Variants in SNX24 observed in about 807,000 individuals in gnomAD.
SNX24 encodes the protein sorting nexin-24.
In SNX24, 22 loss-of-function variants were observed where a neutral mutation model predicts 28.7. The observed-to-expected ratio is 0.77, with a 90% CI of 0.55 to 1.10. The LOEUF is 1.10. Ranked by LOEUF, SNX24 falls within the 50% of genes least tolerant of loss-of-function variation. The pLI is 0.00. For synonymous variants in SNX24, 69 were observed against 71.5 expected (o/e 0.96, Z 0.18); for missense variants, 221 against 201.1 (o/e 1.10, Z -0.60).
chr5:122,983,217 A>AC (rs1561693632), intron 3 of SNX24: 1 of 151,902 alleles, frequency 6.6e-6, no homozygotes, highest in Non-Finnish European at 1.5e-5. Flanking sequence ...TGCAAGTGCA[A>AC]CAATTTAGAT....
chr5:122,955,111 A>G (rs1018108546), intron 3 of SNX24, among the ~76,000 whole-genome samples: 3 of 150,354 alleles, frequency 2.0e-5, no homozygotes, highest in African/African-American at 4.9e-5. Context: ...CTATTGTTCT[A>G]TCTCCCAGTT....
chr5:122,861,515 C>T (rs997849374), intron 1 of SNX24, among the ~76,000 whole-genome samples: 1 of 152,074 alleles, frequency 6.6e-6, no homozygotes, highest in African/African-American at 2.4e-5. Context: ...TGCCTCACTT[C>T]ATTTGCTATT....
At chr5:122,936,900 G>C (rs1336420875) in intron 2 of SNX24, 83 bp downstream of exon 2, 1 of 724,928 alleles carries the variant, frequency 1.4e-6, no homozygotes, top group Non-Finnish European at 2.3e-6. Context: ...GTGGTTCTAA[G>C]ACCATTGATA....
intron 1 of SNX24, among the ~76,000 whole-genome samples, chr5:122,852,813 G>A (rs1269507894): frequency 6.6e-6 from 1 of 152,122 alleles, no homozygotes; most frequent in Non-Finnish European, 1.5e-5. Context: ...GGCAAGGAGG[G>A]TAGGTTAACC....
chr5:123,017,822 T>G (rs1215156011), intron 5 of SNX24, among the ~76,000 whole-genome samples: 1 of 152,168 alleles, frequency 6.6e-6, no homozygotes, highest in East Asian at 1.9e-4. Flanking sequence ...ACCATGATTG[T>G]GAGGCCTCCC....
At chr5:122,992,328 T>C (rs1156736164) in intron 3 of SNX24, among the ~76,000 whole-genome samples, 2 of 152,152 alleles carry the variant, frequency 1.3e-5, no homozygotes, top group African/African-American at 4.8e-5. Context: ...ATACCCCATC[T>C]ACCACCCACC....
At chr5:122,864,798 C>T (rs1755645618) in intron 1 of SNX24, among the ~76,000 whole-genome samples, 1 of 152,248 alleles carries the variant, frequency 6.6e-6, no homozygotes, top group African/African-American at 2.4e-5. Context: ...CAGCCTCCAG[C>T]TGCATGACTC....
intron 1 of SNX24, among the ~76,000 whole-genome samples, chr5:122,883,799 A>G (rs1003173109): frequency 6.6e-6 from 1 of 152,012 alleles, no homozygotes; most frequent in African/African-American, 2.4e-5. Flanking sequence ...GCAGGCACGC[A>G]TGCGCCACCA....
intron 1 of SNX24, among the ~76,000 whole-genome samples, chr5:122,889,301 T>TA (rs1756849226): frequency 6.6e-6 from 1 of 152,174 alleles, no homozygotes; most frequent in Non-Finnish European, 1.5e-5. Flanking sequence ...CTCTGTTTTT[T>TA]ATAGGTATCT....
At chr5:122,916,121 A>G (rs1036586141) in intron 1 of SNX24, among the ~76,000 whole-genome samples, 3 of 152,280 alleles carry the variant, frequency 2.0e-5, no homozygotes, top group Non-Finnish European at 4.4e-5. Flanking sequence ...AACGTGAGCT[A>G]GAAGTGAGAG....
chr5:122,945,157 G>A (rs1483724736), intron 2 of SNX24, among the ~76,000 whole-genome samples: 3 of 152,046 alleles, frequency 2.0e-5, no homozygotes, highest in East Asian at 3.9e-4. Flanking sequence ...ACCTTGGCTC[G>A]TGGCCTCTTT....
chr5:122,877,028 A>G (rs575681522), intron 1 of SNX24, among the ~76,000 whole-genome samples: 2 of 152,112 alleles, frequency 1.3e-5, no homozygotes, highest in African/African-American at 2.4e-5. Context: ...GAGGAGGACT[A>G]CCTTTGTTCT....
At chr5:122,882,046 G>C (rs1756504194) in intron 1 of SNX24, among the ~76,000 whole-genome samples, 1 of 151,728 alleles carries the variant, frequency 6.6e-6, no homozygotes, top group East Asian at 1.9e-4. Flanking sequence ...AAACTCCTGG[G>C]CTCAAGTGAT....
At chr5:122,877,817 T>C (rs1756299485) in intron 1 of SNX24, among the ~76,000 whole-genome samples, 1 of 152,132 alleles carries the variant, frequency 6.6e-6, no homozygotes, top group African/African-American at 2.4e-5. Flanking sequence ...CCTTTCTCCA[T>C]TGGTGGAGTC....
chr5:122,999,763 G>A (rs557636981), intron 3 of SNX24, 149 bp from the exon 4 acceptor site: 2 of 651,904 alleles, frequency 3.1e-6, no homozygotes, highest in Admixed American at 2.3e-5. Context: ...TTCCTGGTGG[G>A]CAAAACAGAG....
intron 1 of SNX24, among the ~76,000 whole-genome samples, chr5:122,900,888 A>G (rs986648904): frequency 1.3e-5 from 2 of 152,192 alleles, no homozygotes; most frequent in African/African-American, 2.4e-5. Context: ...CAGAGGGAAA[A>G]ATGATTTATA....
chr5:122,940,473 C>T (rs868814799), intron 2 of SNX24, among the ~76,000 whole-genome samples: 3 of 152,206 alleles, frequency 2.0e-5, no homozygotes, highest in Non-Finnish European at 2.9e-5. Context: ...TTGTCCACCA[C>T]ATCATAGATA....
At chr5:122,848,277 G>A (rs1167605693) in intron 1 of SNX24, among the ~76,000 whole-genome samples, 1 of 152,094 alleles carries the variant, frequency 6.6e-6, no homozygotes, top group Non-Finnish European at 1.5e-5. Flanking sequence ...TGTATTTTTT[G>A]TAGAGATGGG....
chr5:123,006,773 A>G (rs1163517894), intron 6 of SNX24, among the ~76,000 whole-genome samples: 2 of 152,066 alleles, frequency 1.3e-5, no homozygotes, highest in Non-Finnish European at 2.9e-5. Context: ...CCCTCTGCCT[A>G]CCCCTAGCCT....
Sources: allele counts gnomAD v4.1 joint callset (sites outside exome capture counted in the v4.1 genomes callset), GRCh38; gene constraint gnomAD v4.1.1; transcripts MANE v1.5; gene names NCBI Gene and HGNC (gene_info 2026-07-23, HGNC 2026-07-21).